Variants in CPNE4 observed in about 807,000 individuals in gnomAD.
CPNE4 encodes the protein copine-4.
In CPNE4, 25 loss-of-function variants were observed where a neutral mutation model predicts 67.9. The observed-to-expected ratio is 0.37, with a 90% confidence interval of 0.27 to 0.51. The LOEUF is 0.51. Ranked by LOEUF, CPNE4 falls within the 20% of genes least tolerant of loss-of-function variation. CPNE4 has a pLI of 0.93. For missense variants in CPNE4, 464 were observed against 690.8 expected (o/e 0.67, Z 3.68); for synonymous variants, 242 against 244.9 (o/e 0.99, Z 0.11).
intron 7 of CPNE4, among the ~76,000 whole-genome samples, chr3:131,648,743 A>T (rs2079733588): frequency 6.6e-6 from 1 of 152,244 alleles, no homozygotes; most frequent in Non-Finnish European, 1.5e-5. Flanking sequence ...GATTTGTAGA[A>T]TGAATGAGTG....
rs2107746625 is a variant in CPNE4, at chr3:131,723,457, T to A, written c.349A>T (p.Thr117Ser). The change falls in exon 3 of 16, where the codon ACA becomes TCA. Residue 117 changes from threonine (T) to serine (S), a missense_variant. Transcript: ENST00000429747. ...GTCTGTTGACCCACCTGGCCAAGTG[T>A]GCACTCCATGCCACCAAGGAAGTCG... Reference protein sequence around the residue: ...EADFLGGMECTLGQIVSQRKL... With the variant: ...EADFLGGMECSLGQIVSQRKL... The A allele has an allele frequency of 1.2e-6, 2 of 1,612,790 alleles. No individual in the cohort carries two copies. The highest frequency in any genetic ancestry group is 4.5e-5 in the East Asian group (2 of 44,888).
intron 2 of CPNE4, among the ~76,000 whole-genome samples, chr3:131,804,865 G>A (rs1246263025): frequency 1.3e-5 from 2 of 152,202 alleles, no homozygotes; most frequent in African/African-American, 2.4e-5. Context: ...CTGCAGTTGG[G>A]CACAGACACA....
intron 1 of CPNE4, among the ~76,000 whole-genome samples, chr3:131,994,056 T>C (rs2073233999): frequency 7.3e-6 from 1 of 136,404 alleles, no homozygotes; most frequent in African/African-American, 2.5e-5. Context: ...TTTGCAAAAG[T>C]ACTATTTATA....
intron 2 of CPNE4, among the ~76,000 whole-genome samples, chr3:131,846,459 C>T (rs546354535): frequency 5.9e-5 from 9 of 152,270 alleles, no homozygotes; most frequent in African/African-American, 1.9e-4. Flanking sequence ...CTGTAAAAAC[C>T]CATTACATCA....
intron 1 of CPNE4, among the ~76,000 whole-genome samples, chr3:132,014,545 C>T (rs1457200280): frequency 6.6e-6 from 1 of 152,128 alleles, no homozygotes; most frequent in Non-Finnish European, 1.5e-5. Context: ...AGATTATTTC[C>T]ATTTTACTTT....
At position 131,990,517 on chromosome 3, in the gene CPNE4, C is replaced by T. The variant is rs951467533; in HGVS notation, c.-2+44050G>A. ...ACAATAACAATTATATTGTATGAAG[C>T]ATTTCAAGTACATATTCAATAAAAT... On this transcript the variant is annotated intron_variant, in intron 1 of 15. Coordinates refer to ENST00000429747, the MANE Select transcript of CPNE4 (RefSeq NM_130808.3). Among the ~76,000 whole-genome samples, 4 of 135,490 alleles carry T rather than the reference C, an allele frequency of 3.0e-5. 1 individual carries two copies. Among genetic ancestry groups the T allele is most frequent in the East Asian group, 4.7e-4 (2 of 4,288 alleles). 88.9% of individuals were successfully genotyped at this position (135,490 alleles called of 152,430 possible).
chr3:131,670,850 T>G lies in CPNE4; in HGVS notation c.592-1086A>C, dbSNP rs1036435981. Among the ~76,000 whole-genome samples, 6 of 152,336 alleles carry G rather than the reference T, an allele frequency of 3.9e-5. No homozygotes were observed. The East Asian group carries it at 1.2e-3, about 29-fold the overall frequency. ...TTTTGAGATGGATTTTTGCTTTTGTTGCCCAGGCTGTAGTGCAATGGTGCA... is the reference window on the plus strand; with the variant it reads ...TTTTGAGATGGATTTTTGCTTTTGTGGCCCAGGCTGTAGTGCAATGGTGCA... On this transcript the variant is annotated intron_variant, in intron 6 of 15. Coordinates refer to ENST00000429747, the MANE Select transcript of CPNE4 (RefSeq NM_130808.3).
intron 2 of CPNE4, among the ~76,000 whole-genome samples, chr3:131,791,235 T>C (rs1235037792): frequency 6.6e-6 from 1 of 152,176 alleles, no homozygotes; most frequent in Non-Finnish European, 1.5e-5. Flanking sequence ...AACTGAGAAA[T>C]TTTTTCTTAT....
chr3:131,535,213 G>A lies in CPNE4; in HGVS notation c.1656C>T (p.Ser552=). The part of the protein sequence containing the change: ...PKCSSEMYES[S]RTLAP ...GGGGAGTTCATGGTGCTAGTGTTCTGGAAGATTCATACATTTCTGATGAAC... is the reference window on the plus strand; with the variant it reads ...GGGGAGTTCATGGTGCTAGTGTTCTAGAAGATTCATACATTTCTGATGAAC... Residue 552 remains serine (S), a synonymous_variant, in exon 16 of 16, where the codon TCC becomes TCT. Transcript: ENST00000429747. 6.2e-7 allele frequency: 1 copy of A among 1,612,860 alleles called. No homozygotes were observed. Among genetic ancestry groups the A allele is most frequent in the East Asian group, 2.2e-5 (1 of 44,846 alleles).
At chr3:131,551,955 T>C (rs1936199335) in intron 13 of CPNE4, among the ~76,000 whole-genome samples, 1 of 151,900 alleles carries the variant, frequency 6.6e-6, no homozygotes, top group African/African-American at 2.4e-5. Context: ...AAAGCCATGA[T>C]GCTGCTTGTT....
chr3:131,966,982 C>T (rs1421467289), intron 1 of CPNE4, among the ~76,000 whole-genome samples: 3 of 152,188 alleles, frequency 2.0e-5, no homozygotes, highest in Non-Finnish European at 4.4e-5. Context: ...CAATAAAATG[C>T]TAGCAAGCTG....
At chr3:131,576,003 A>G (rs1364957967) in intron 9 of CPNE4, among the ~76,000 whole-genome samples, 1 of 152,146 alleles carries the variant, frequency 6.6e-6, no homozygotes, top group Non-Finnish European at 1.5e-5. Context: ...TATTTATTGA[A>G]TACTCACTAT....
At chr3:131,577,258 CAT>C (rs1937573680) in intron 9 of CPNE4, among the ~76,000 whole-genome samples, 1 of 151,998 alleles carries the variant, frequency 6.6e-6, no homozygotes, top group African/African-American at 2.4e-5. Flanking sequence ...TGTTAGGAAA[CAT>C]ATATCTATGT....
intron 3 of CPNE4, among the ~76,000 whole-genome samples, chr3:131,720,622 C>G (rs1433171809): frequency 6.6e-6 from 1 of 152,138 alleles, no homozygotes; most frequent in African/African-American, 2.4e-5. Context: ...TATATATACA[C>G]AAAGTGTATA....
At chr3:131,557,473 C>T (rs893391194) in intron 11 of CPNE4, among the ~76,000 whole-genome samples, 1 of 152,016 alleles carries the variant, frequency 6.6e-6, no homozygotes, top group Non-Finnish European at 1.5e-5. Flanking sequence ...ATGGTTTTGA[C>T]AAAACTTTAC....
At chr3:131,999,174 G>A (rs866280564) in intron 1 of CPNE4, among the ~76,000 whole-genome samples, 1 of 139,142 alleles carries the variant, frequency 7.2e-6, no homozygotes. Flanking sequence ...TGGTATGTTT[G>A]AGGAGAAAAA....
At chr3:131,928,621 T>C (rs1372290940) in intron 1 of CPNE4, among the ~76,000 whole-genome samples, 1 of 152,178 alleles carries the variant, frequency 6.6e-6, no homozygotes, top group Non-Finnish European at 1.5e-5. Context: ...TTCAAGTGAA[T>C]GTGCCTGAGG....
intron 1 of CPNE4, among the ~76,000 whole-genome samples, chr3:132,025,088 A>G (rs1225460688): frequency 3.9e-5 from 6 of 152,212 alleles, no homozygotes; most frequent in Non-Finnish European, 1.5e-5. Context: ...CAAGCCCTCC[A>G]GGAGATTCGG....
At chr3:132,014,333 C>T (rs1370262767) in intron 1 of CPNE4, among the ~76,000 whole-genome samples, 2 of 152,046 alleles carry the variant, frequency 1.3e-5, no homozygotes, top group Non-Finnish European at 2.9e-5. Flanking sequence ...AATGCTCCTC[C>T]CACCCCCACT....
Sources: gnomAD v4.1 joint callset for allele counts (sites outside exome capture counted in the v4.1 genomes callset) on GRCh38, gnomAD v4.1.1 for gene constraint, MANE v1.5 for transcripts, NCBI Gene and HGNC (gene_info 2026-07-23, HGNC 2026-07-21) for gene names.